The following DGKB variants were observed in gnomAD, a reference collection of about 807,000 sequenced individuals.
DGKB encodes diacylglycerol kinase beta, also known as 90 kDa diacylglycerol kinase.
In DGKB, 67 loss-of-function variants were observed where a neutral mutation model predicts 114.3. The observed-to-expected ratio is 0.59, with a 90% CI of 0.48 to 0.72. DGKB has a LOEUF of 0.72. Ranked by LOEUF, DGKB falls within the 30% of genes least tolerant of loss-of-function variation. The pLI, the probability that DGKB is intolerant of heterozygous loss-of-function variation, is 0.00. For synonymous variants in DGKB, 398 were observed against 323.1 expected (o/e 1.23, Z -2.49); for missense variants, 907 against 975.2 (o/e 0.93, Z 0.93).
intron 23 of DGKB, among the ~76,000 whole-genome samples, chr7:14,275,918 T>A (rs1798923763): frequency 6.6e-6 from 1 of 152,204 alleles, no homozygotes; most frequent in African/African-American, 2.4e-5. Context: ...TAATTAATTC[T>A]TATCTAATTC....
At chr7:14,374,274 G>A (rs935257219) in intron 21 of DGKB, among the ~76,000 whole-genome samples, 1 of 152,166 alleles carries the variant, frequency 6.6e-6, no homozygotes, top group Admixed American at 6.5e-5. Flanking sequence ...TGGTTTAGGA[G>A]GGGTTACCCC....
intron 21 of DGKB, among the ~76,000 whole-genome samples, chr7:14,429,009 G>T (rs1199045254): frequency 3.1e-4 from 47 of 152,042 alleles, no homozygotes; most frequent in Non-Finnish European, 1.2e-4. Context: ...GAATAATGTA[G>T]ATTTTTAATT....
At chr7:14,815,527 A>C (rs1844004276) in intron 2 of DGKB, among the ~76,000 whole-genome samples, 1 of 152,152 alleles carries the variant, frequency 6.6e-6, no homozygotes, top group Admixed American at 6.6e-5. Context: ...TTCATTCCAC[A>C]TGATTATTTT....
At chr7:14,823,078 T>C (rs1586736044) in intron 2 of DGKB, among the ~76,000 whole-genome samples, 1 of 151,806 alleles carries the variant, frequency 6.6e-6, no homozygotes, top group Non-Finnish European at 1.5e-5. Flanking sequence ...TCTCATCTCA[T>C]ACAATTACAA....
intron 23 of DGKB, among the ~76,000 whole-genome samples, chr7:14,315,697 C>A (rs1806341657): frequency 1.3e-5 from 2 of 149,722 alleles, no homozygotes; most frequent in South Asian, 4.2e-4. Context: ...GACTTTAACA[C>A]CCCACTGTCA....
intron 23 of DGKB, among the ~76,000 whole-genome samples, chr7:14,320,598 A>G (rs1407252493): frequency 6.6e-6 from 1 of 151,788 alleles, no homozygotes; most frequent in African/African-American, 2.4e-5. Context: ...ACATATATAT[A>G]GTACATATAT....
chr7:14,919,463 C>G (rs1784413617), intron 1 of DGKB, among the ~76,000 whole-genome samples: 1 of 152,034 alleles, frequency 6.6e-6, no homozygotes, highest in Non-Finnish European at 1.5e-5. Flanking sequence ...ATACAGAGAC[C>G]TTACATGTTT....
chr7:14,805,985 G>C (rs1387839425), intron 2 of DGKB, among the ~76,000 whole-genome samples: 1 of 151,258 alleles, frequency 6.6e-6, no homozygotes, highest in Non-Finnish European at 1.5e-5. Context: ...AAATTTTCAA[G>C]TAATAATTTC....
chr7:14,864,744 A>G (rs1851469312), intron 1 of DGKB, among the ~76,000 whole-genome samples: 1 of 151,964 alleles, frequency 6.6e-6, no homozygotes, highest in African/African-American at 2.4e-5. Flanking sequence ...GTTACAAGCC[A>G]TGTAATAGGA....
At chr7:14,521,129 C>T (rs1022274350) in intron 20 of DGKB, among the ~76,000 whole-genome samples, 2 of 152,030 alleles carry the variant, frequency 1.3e-5, no homozygotes. Context: ...TGCCTTCAAA[C>T]TCTGTGTGTT....
intron 2 of DGKB, among the ~76,000 whole-genome samples, chr7:14,784,722 A>T (rs955922492): frequency 6.6e-6 from 1 of 151,772 alleles, no homozygotes; most frequent in Non-Finnish European, 1.5e-5. Context: ...TTTTTTAGTC[A>T]TTGTTAGAAA....
intron 2 of DGKB, chr7:14,815,349 C>G (rs1311694790): frequency 1.3e-5 from 2 of 152,218 alleles, no homozygotes; most frequent in African/African-American, 4.8e-5. Context: ...TCCTTGCTCC[C>G]AGGTCCCCTT....
intron 1 of DGKB, among the ~76,000 whole-genome samples, chr7:14,958,749 CA>C (rs1020373424): frequency 1.3e-5 from 2 of 152,008 alleles, no homozygotes; most frequent in African/African-American, 4.8e-5. Flanking sequence ...TTTCATAAAG[CA>C]AGTTTCCTGA....
At chr7:14,639,658 G>T (rs1044605200) in intron 13 of DGKB, among the ~76,000 whole-genome samples, 5 of 152,220 alleles carry the variant, frequency 3.3e-5, no homozygotes, top group African/African-American at 1.2e-4. Context: ...AGCCCTAAAG[G>T]TACGGGCCAA....
At chr7:14,523,718 A>T (rs1790166182) in intron 20 of DGKB, among the ~76,000 whole-genome samples, 1 of 152,172 alleles carries the variant, frequency 6.6e-6, no homozygotes, top group Non-Finnish European at 1.5e-5. Flanking sequence ...AACAATAATG[A>T]GGTATATGGA....
intron 23 of DGKB, among the ~76,000 whole-genome samples, chr7:14,313,002 T>C (rs1005383100): frequency 5.9e-5 from 9 of 152,202 alleles, no homozygotes; most frequent in Non-Finnish European, 2.9e-5. Flanking sequence ...AAATCACTCA[T>C]AGTTAAGAAA....
chr7:14,522,877 A>G (rs1019749977), intron 20 of DGKB, among the ~76,000 whole-genome samples: 11 of 152,178 alleles, frequency 7.2e-5, no homozygotes, highest in Admixed American at 1.3e-4. Context: ...AGATAGAGAA[A>G]TATATGGTAT....
At chr7:14,857,472 C>T (rs1440966170) in intron 1 of DGKB, among the ~76,000 whole-genome samples, 1 of 152,058 alleles carries the variant, frequency 6.6e-6, no homozygotes, top group Non-Finnish European at 1.5e-5. Flanking sequence ...GGCTCAGATT[C>T]CTGATCTACA....
At chr7:14,775,840 G>A (rs1490145716) in intron 2 of DGKB, among the ~76,000 whole-genome samples, 1 of 152,022 alleles carries the variant, frequency 6.6e-6, no homozygotes, top group Non-Finnish European at 1.5e-5. Context: ...CAGTAAATTG[G>A]TCATGGGAGG....
Sources: allele counts gnomAD v4.1 joint callset (sites outside exome capture counted in the v4.1 genomes callset), GRCh38; gene constraint gnomAD v4.1.1; transcripts MANE v1.5; gene names NCBI Gene and HGNC (gene_info 2026-07-23, HGNC 2026-07-21).